The following CD8B variants were observed in gnomAD, a reference collection of about 807,000 sequenced individuals.
CD8B encodes T-cell surface glycoprotein CD8 beta chain.
In CD8B, 6 loss-of-function variants were observed where a neutral mutation model predicts 24.2. That is an observed-to-expected ratio of 0.25 (90% CI 0.14 to 0.49). The LOEUF (loss-of-function observed/expected upper bound fraction) is 0.49, where lower values mean the gene tolerates loss of function less well. Ranked by LOEUF, CD8B falls within the 20% of genes least tolerant of loss-of-function variation. The pLI is 0.98. For missense variants in CD8B, 196 were observed against 271.3 expected (o/e 0.72, Z 1.95); for synonymous variants, 84 against 108.3 (o/e 0.78, Z 1.39).
chr2:86,842,390 C>A lies in CD8B; in HGVS notation c.621-71G>T, dbSNP rs1573510708. ...GATATTGAATTTCCTGTAACAGAGA[C>A]AAATGGCAAATGAGAATGCAGAGTT... is the stretch of plus-strand genomic sequence containing the variant. On this transcript the variant is annotated intron_variant, in intron 5 of 5. Transcript: ENST00000390655. 17 of 1,586,114 alleles carry A rather than the reference C, an allele frequency of 1.1e-5. No individual in the cohort carries two copies. In the South Asian group the frequency reaches 1.7e-4, roughly 16 times the overall value.
downstream of CD8B, chr2:86,815,433 G>C: frequency 5.0e-6 from 3 of 597,346 alleles, no homozygotes; most frequent in Non-Finnish European, 3.0e-6. Flanking sequence ...GACACTTTGG[G>C]GTTCACAAGG....
At chr2:86,844,699 G>A (rs1675587560) in intron 5 of CD8B, 1 of 1,489,142 alleles carries the variant, frequency 6.7e-7, no homozygotes, top group African/African-American at 1.4e-5. Flanking sequence ...CTGGAGTGCA[G>A]TGGTACCATC....
intron 5 of CD8B, among the ~76,000 whole-genome samples, chr2:86,843,218 G>C (rs1449572146): frequency 6.6e-6 from 1 of 151,604 alleles, no homozygotes; most frequent in Non-Finnish European, 1.5e-5. Flanking sequence ...TCAGCCTCTC[G>C]AGTAGCTGGG....
At position 86,840,623 on chromosome 2, in the gene CD8B, TC is replaced by T; in HGVS notation, c.*1683del. Among the ~76,000 whole-genome samples the T allele has an allele frequency of 6.6e-6, 1 of 152,358 alleles. No individual in the cohort carries two copies. The highest frequency in any genetic ancestry group is 2.1e-4 in the South Asian group (1 of 4,826). ...ACTTTGCAATTGGGCCCATGGGCTA[TC>T]TGCTTAGGGTCCACTCCTACCATGT... On this transcript the variant is annotated 3_prime_UTR_variant, in exon 6 of 6. Coordinates refer to ENST00000390655, the MANE Select transcript of CD8B (RefSeq NM_004931.5).
chr2:86,836,959 C>A (rs1675202238), downstream of CD8B, among the ~76,000 whole-genome samples: 1 of 152,122 alleles, frequency 6.6e-6, no homozygotes, highest in Non-Finnish European at 1.5e-5. Context: ...AGTTCAAGAC[C>A]AGCCTGGGTG....
rs1339132396 is a variant in CD8B, at chr2:86,843,564, G to A, written c.621-1245C>T. 1.3e-5 allele frequency: 13 copies of A among 982,826 alleles called. No individual in the cohort carries two copies. The East Asian group carries it at 3.4e-4, about 26-fold the overall frequency. 60.9% of individuals were successfully genotyped at this position (982,826 alleles called of 1,614,324 possible). On this transcript the variant is annotated intron_variant, in intron 5 of 5. Transcript: ENST00000390655. ...CAGCAGGCATGTTTAAGCCACTCTC[G>A]ATATAAATATAATGTGTACAACAAT...
chr2:86,817,580 T>A (rs1338494653), intron 5 of CD8B, among the ~76,000 whole-genome samples: 1 of 152,174 alleles, frequency 6.6e-6, no homozygotes, highest in African/African-American at 2.4e-5. Context: ...CCATATATTA[T>A]TCATTATTAT....
rs1185224495 is a variant in CD8B, at chr2:86,838,428, T to C, written c.*3879A>G. 6.6e-5 allele frequency among the ~76,000 whole-genome samples: 10 copies of C among 152,176 alleles called. No individual in the cohort carries two copies. The highest frequency in any genetic ancestry group is 1.2e-4 in the Non-Finnish European group (8 of 68,040). The stretch of plus-strand genomic sequence containing the variant: ...GTAATTTTCTATATTCTCTATTTTA[T>C]GTATTATATTCTCAAGATTTCAATT... On this transcript the variant is annotated 3_prime_UTR_variant, in exon 6 of 6. Transcript: ENST00000390655.
In CD8B at chr2:86,829,095, C is replaced by CTTTTTTTTTTTTTTTT. The variant is rs746569858; in HGVS notation, c.621-13393_621-13378dup. Among the ~76,000 whole-genome samples, 3 of 82,992 alleles carry CTTTTTTTTTTTTTTTT rather than the reference C, an allele frequency of 3.6e-5. 1 individual carries two copies. Among genetic ancestry groups the CTTTTTTTTTTTTTTTT allele is most frequent in the Admixed American group, 1.9e-4 (1 of 5,200 alleles). The allele number at this position is 82,992 out of a possible 152,430, so 54.4% of individuals were successfully genotyped here. On this transcript the variant is annotated intron_variant, in intron 5 of 5. Transcript: ENST00000331469. ...TTACCATTTTGGCATATGCTCTTTA[C>CTTTTTTTTTTTTTTTT]TTTTTTTTTTTTTTTTTTTTTTGAG... is the stretch of plus-strand genomic sequence containing the variant.
chr2:86,850,310 C>T (rs1340617759), intron 3 of CD8B, among the ~76,000 whole-genome samples: 3 of 152,200 alleles, frequency 2.0e-5, no homozygotes, highest in Admixed American at 2.0e-4. Flanking sequence ...GCACTCTGCT[C>T]CTGAGTCTAT....
At chr2:86,819,012 C>G (rs1338383692) in intron 5 of CD8B, among the ~76,000 whole-genome samples, 1 of 152,216 alleles carries the variant, frequency 6.6e-6, no homozygotes, top group Non-Finnish European at 1.5e-5. Context: ...TAAATCGGAA[C>G]AGCCACAAAA....
chr2:86,836,775 C>A (rs371304703), downstream of CD8B, among the ~76,000 whole-genome samples: 23 of 152,236 alleles, frequency 1.5e-4, 1 homozygote, highest in African/African-American at 5.3e-4. Context: ...CACGCACACC[C>A]CCAAGGAAGA....
In CD8B at chr2:86,841,782, A is replaced by G; in HGVS notation, c.*525T>C. The G allele has an allele frequency of 2.0e-6, 2 of 985,660 alleles. No homozygotes were observed. The highest frequency in any genetic ancestry group is 2.4e-6 in the Non-Finnish European group (2 of 830,138). The allele number at this position is 985,660 out of a possible 1,614,324, so 61.1% of individuals were successfully genotyped here. On this transcript the variant is annotated 3_prime_UTR_variant, in exon 6 of 6. Coordinates refer to ENST00000390655, the MANE Select transcript of CD8B (RefSeq NM_004931.5). ...CCGGCCCCAAAGGAAGCCCTCAGAG[A>G]CTGATATGCCTTCTGGGAACTGGAC...
intron 3 of CD8B, among the ~76,000 whole-genome samples, chr2:86,848,118 A>G (rs76890460): frequency 0.17 from 26,102 of 151,736 alleles, 2,484 homozygotes; most frequent in Admixed American, 0.22. Context: ...TTACAAAGGC[A>G]CCTTCCTGAG....
chr2:86,822,902 T>A (rs1218834607), intron 5 of CD8B, among the ~76,000 whole-genome samples: 2 of 152,248 alleles, frequency 1.3e-5, no homozygotes, highest in Non-Finnish European at 2.9e-5. Flanking sequence ...ATTCTGCAGT[T>A]GTTTAATGTG....
chr2:86,849,892 C>A (rs77406241), intron 3 of CD8B, among the ~76,000 whole-genome samples: 63 of 152,008 alleles, frequency 4.1e-4, no homozygotes, highest in African/African-American at 1.4e-3. Flanking sequence ...TTAGTGGAGA[C>A]GGGGTTTCGC....
chr2:86,860,024 C>A (rs190550176), intron 1 of CD8B, among the ~76,000 whole-genome samples: 50 of 152,204 alleles, frequency 3.3e-4, no homozygotes, highest in African/African-American at 1.2e-3. Flanking sequence ...AATCACAGCA[C>A]TTTGGGAGAT....
At chr2:86,852,757 C>G (rs1226645799) in intron 3 of CD8B, among the ~76,000 whole-genome samples, 2 of 152,120 alleles carry the variant, frequency 1.3e-5, no homozygotes, top group African/African-American at 2.4e-5. Flanking sequence ...CATTTGTGTG[C>G]AGGGGTGTGG....
chr2:86,820,561 T>C (rs1399214025), intron 5 of CD8B, among the ~76,000 whole-genome samples: 1 of 152,254 alleles, frequency 6.6e-6, no homozygotes, highest in Non-Finnish European at 1.5e-5. Context: ...ATAATGTCTT[T>C]GTACACTTAG....
Sources: allele counts gnomAD v4.1 joint callset (sites outside exome capture counted in the v4.1 genomes callset), GRCh38; gene constraint gnomAD v4.1.1; transcripts MANE v1.5; gene names NCBI Gene and HGNC (gene_info 2026-07-23, HGNC 2026-07-21).